Variants in CFAP97D2 observed in about 807,000 individuals in gnomAD.
The protein encoded by CFAP97D2 is uncharacterized protein CFAP97D2.
intron 1 of CFAP97D2, among the ~76,000 whole-genome samples, chr13:114,182,576 T>C (rs1267310625): frequency 6.6e-6 from 1 of 152,158 alleles, no homozygotes; most frequent in South Asian, 2.1e-4. Context: ...CCTTGGACAA[T>C]ACCCCGCTTT....
Position 114,186,850 on chromosome 13 carries a change from C to G in CFAP97D2, c.90+7430C>G, listed in dbSNP as rs2080854580. Among the ~76,000 whole-genome samples, 1 of 152,228 alleles carries G rather than the reference C, an allele frequency of 6.6e-6. No individual in the cohort carries two copies. The highest frequency in any genetic ancestry group is 1.5e-5 in the Non-Finnish European group (1 of 68,048). On this transcript the variant is annotated intron_variant, in intron 1 of 4. Transcript: ENST00000646158. The surrounding 1 kb of genome is among the most constrained non-coding windows in gnomAD (Gnocchi z 4.3). Reference sequence around the variant, plus strand: ...TCACTCACTCACACACCCCTCGCCACTCCACTCCAGTCTCTTCAGAGGGAT... The same window carrying G: ...TCACTCACTCACACACCCCTCGCCAGTCCACTCCAGTCTCTTCAGAGGGAT...
At chr13:114,193,370 G>C (rs539604953) in intron 1 of CFAP97D2, among the ~76,000 whole-genome samples, 101 of 152,336 alleles carry the variant, frequency 6.6e-4, no homozygotes, top group African/African-American at 2.4e-3. Context: ...AGAATGCCCA[G>C]ACTGGGTAAT....
intron 4 of CFAP97D2, among the ~76,000 whole-genome samples, chr13:114,218,884 G>A (rs3928774): frequency 0.053 from 8,127 of 152,226 alleles, 578 homozygotes; most frequent in East Asian, 0.35. Flanking sequence ...ATTCAAGATG[G>A]ATTGAAGACT....
intron 1 of CFAP97D2, among the ~76,000 whole-genome samples, chr13:114,182,145 G>A (rs2080835569): frequency 6.9e-6 from 1 of 144,992 alleles, no homozygotes; most frequent in Admixed American, 6.7e-5. Context: ...AGAGCAGGGT[G>A]ATAATAAGGA....
rs1053108677 is a variant in CFAP97D2, at chr13:114,186,582, G to C, written c.90+7162G>C. On this transcript the variant is annotated intron_variant, in intron 1 of 4. Transcript: ENST00000646158. The surrounding 1 kb of genome is among the most constrained non-coding windows in gnomAD (Gnocchi z 4.3). ...GAGAAAAGAGCTGAGGCTCTTGGGG[G>C]GTCCCAGACCTGGGAGCTCCCTGAG... Among the ~76,000 whole-genome samples the C allele has an allele frequency of 6.6e-6, 1 of 152,192 alleles. No homozygotes were observed. Among genetic ancestry groups the C allele is most frequent in the African/African-American group, 2.4e-5 (1 of 41,454 alleles).
At chr13:114,180,060 A>G (rs2080826797) in intron 1 of CFAP97D2, among the ~76,000 whole-genome samples, 1 of 152,230 alleles carries the variant, frequency 6.6e-6, no homozygotes, top group African/African-American at 2.4e-5. Flanking sequence ...GCAAATGTGG[A>G]CAATTGTTTG....
intron 3 of CFAP97D2, among the ~76,000 whole-genome samples, chr13:114,200,889 G>A (rs1349740452): frequency 1.3e-5 from 2 of 152,180 alleles, no homozygotes; most frequent in African/African-American, 4.8e-5. Flanking sequence ...AGTTCTCAAA[G>A]GTGTCAAGTT....
intron 1 of CFAP97D2, among the ~76,000 whole-genome samples, chr13:114,184,755 G>A (rs183306943): frequency 6.6e-6 from 1 of 152,218 alleles, no homozygotes; most frequent in African/African-American, 2.4e-5. Context: ...CAAAAATGGT[G>A]TAGGTCAGTA....
intron 1 of CFAP97D2, among the ~76,000 whole-genome samples, chr13:114,181,100 G>A (rs950608842): frequency 6.6e-5 from 10 of 152,228 alleles, no homozygotes; most frequent in South Asian, 2.1e-4. Flanking sequence ...GGCATGGGCC[G>A]GGAACCTATG....
chr13:114,221,476 T>C (rs143386616), intron 4 of CFAP97D2, among the ~76,000 whole-genome samples: 1 of 152,306 alleles, frequency 6.6e-6, no homozygotes, highest in East Asian at 1.9e-4. Context: ...CAACAGGATA[T>C]ACAAATGGCC....
At position 114,203,554 on chromosome 13, in the gene CFAP97D2, G is replaced by A. The variant is rs1425462827; in HGVS notation, c.290+3111G>A. Among the ~76,000 whole-genome samples the A allele has an allele frequency of 2.0e-5, 3 of 152,186 alleles. No homozygotes were observed. Among genetic ancestry groups the A allele is most frequent in the Admixed American group, 6.5e-5 (1 of 15,272 alleles). Reference sequence around the variant, plus strand: ...TTGTCACATGACCAGGAAAATCTAGGCACACGAACACATTGAAGGGTGAGT... The same window carrying A: ...TTGTCACATGACCAGGAAAATCTAGACACACGAACACATTGAAGGGTGAGT... On this transcript the variant is annotated intron_variant, in intron 3 of 4. Transcript: ENST00000646158. The surrounding 1 kb of genome is among the most constrained non-coding windows in gnomAD (Gnocchi z 4.3).
rs919507169 is a variant in CFAP97D2 at position 114,186,479 on chromosome 13, A to C, written c.90+7059A>C. 7.2e-5 allele frequency among the ~76,000 whole-genome samples: 11 copies of C among 152,192 alleles called. No individual in the cohort carries two copies. Among genetic ancestry groups the C allele is most frequent in the African/African-American group, 2.7e-4 (11 of 41,446 alleles). The stretch of plus-strand genomic sequence containing the variant: ...TGGGACCCATCAAGTGGTGGGGCTA[A>C]AAGAGCTGCAACACAAGCAGGGCTG... On this transcript the variant is annotated intron_variant, in intron 1 of 4. Transcript: ENST00000646158. This position sits in a 1 kb window ranked among gnomAD's most constrained non-coding sequence, Gnocchi z 4.3.
At chr13:114,217,988 C>A (rs1385315615) in intron 4 of CFAP97D2, among the ~76,000 whole-genome samples, 1 of 152,170 alleles carries the variant, frequency 6.6e-6, no homozygotes, top group Non-Finnish European at 1.5e-5. Flanking sequence ...CCCTCTCTCA[C>A]CACTCCTATT....
intron 1 of CFAP97D2, among the ~76,000 whole-genome samples, chr13:114,184,477 T>C (rs541776943): frequency 8.6e-5 from 13 of 151,868 alleles, no homozygotes; most frequent in African/African-American, 3.1e-4. Context: ...AGAGAAAACA[T>C]CCTGAAAGAA....
At chr13:114,212,663 C>A (rs191068262) in intron 4 of CFAP97D2, among the ~76,000 whole-genome samples, 6 of 152,224 alleles carry the variant, frequency 3.9e-5, no homozygotes, top group Admixed American at 3.3e-4. Flanking sequence ...TCCTGGCTAA[C>A]ACAGTGAAAC....
chr13:114,207,901 C>T lies in CFAP97D2; in HGVS notation c.291-4011C>T, dbSNP rs1234130612. ...GTCCAAAATATGTCCCATGCTCTTC[C>T]TCTAAGAGAAGACATTGGCCAGAAA... is the stretch of plus-strand genomic sequence containing the variant. On this transcript the variant is annotated intron_variant, in intron 3 of 4. Transcript: ENST00000646158. This position sits in a 1 kb window ranked among gnomAD's most constrained non-coding sequence, Gnocchi z 4.9. Among the ~76,000 whole-genome samples, 1 of 152,222 alleles carries T rather than the reference C, an allele frequency of 6.6e-6. No individual in the cohort carries two copies. Among genetic ancestry groups the T allele is most frequent in the African/African-American group, 2.4e-5 (1 of 41,464 alleles).
intron 4 of CFAP97D2, among the ~76,000 whole-genome samples, chr13:114,216,247 T>A (rs528159761): frequency 6.6e-6 from 1 of 152,212 alleles, no homozygotes; most frequent in Admixed American, 6.5e-5. Context: ...TCACCTCCAC[T>A]GCCCTCCTCC....
downstream of CFAP97D2, chr13:114,222,882 T>C (rs369451855): frequency 1.4e-4 from 32 of 224,240 alleles, no homozygotes; most frequent in African/African-American, 5.7e-4. The surrounding 1 kb of genome is among the most constrained non-coding windows in gnomAD (Gnocchi z 4.4). Context: ...AAACAAACTA[T>C]GCAGAGTCAT....
intron 1 of CFAP97D2, among the ~76,000 whole-genome samples, chr13:114,194,318 C>T (rs1283069093): frequency 6.6e-6 from 1 of 152,148 alleles, no homozygotes; most frequent in Non-Finnish European, 1.5e-5. Context: ...AAAAATGAAC[C>T]TGAATTTCTA....
Sources: gnomAD v4.1 joint callset for allele counts (sites outside exome capture counted in the v4.1 genomes callset) on GRCh38, gnomAD v4.1.1 for gene constraint, Gnocchi (gnomAD v3.1) non-coding constraint, MANE v1.5 for transcripts, NCBI Gene and HGNC (gene_info 2026-07-23, HGNC 2026-07-21) for gene names.